PRUNE2: variants seen among roughly 807,000 people sequenced by gnomAD.
PRUNE2 encodes the protein prune homolog 2 with BCH domain, also known as protein prune homolog 2.
In PRUNE2, 164 loss-of-function variants were observed where a neutral mutation model predicts 252.0. The observed-to-expected ratio is 0.65, with a 90% CI of 0.57 to 0.74. PRUNE2 has a LOEUF of 0.74. Among genes scored for constraint, PRUNE2 ranks in the 30% least tolerant of loss-of-function variants. The pLI, the probability that PRUNE2 is intolerant of heterozygous loss-of-function variation, is 0.00. For synonymous variants in PRUNE2, 1,292 were observed against 1,350.2 expected (o/e 0.96, Z 0.94); for missense variants, 3,495 against 3,711.0 (o/e 0.94, Z 1.51).
At chr9:76,819,057 C>T (rs1297332040) in intron 6 of PRUNE2, among the ~76,000 whole-genome samples, 3 of 152,028 alleles carry the variant, frequency 2.0e-5, no homozygotes, top group South Asian at 2.1e-4. Flanking sequence ...TTGAGACCAG[C>T]CTTGGGCAAC....
intron 18 of PRUNE2, among the ~76,000 whole-genome samples, chr9:76,618,893 A>T (rs1019226227): frequency 5.3e-5 from 8 of 152,238 alleles, no homozygotes; most frequent in African/African-American, 1.9e-4. Flanking sequence ...TCCTCTAAAT[A>T]GATCATTCCT....
chr9:76,865,203 T>C (rs1049806734), intron 1 of PRUNE2, among the ~76,000 whole-genome samples: 4 of 152,202 alleles, frequency 2.6e-5, no homozygotes, highest in African/African-American at 9.7e-5. Flanking sequence ...TTTTAAAATA[T>C]GTTTTACAGC....
chr9:76,836,736 G>T (rs2059001530), intron 4 of PRUNE2, among the ~76,000 whole-genome samples: 1 of 152,118 alleles, frequency 6.6e-6, no homozygotes, highest in African/African-American at 2.4e-5. Flanking sequence ...TTTCTATTTT[G>T]TTAAATCCCC....
At chr9:76,640,239 A>G (rs1730984634) in intron 12 of PRUNE2, among the ~76,000 whole-genome samples, 1 of 152,194 alleles carries the variant, frequency 6.6e-6, no homozygotes, top group African/African-American at 2.4e-5. Context: ...ATTTCATGGC[A>G]GTAAAGTAAT....
In PRUNE2 at chr9:76,679,129, G is replaced by A. The variant is rs911072935; in HGVS notation, c.8277-23627C>T. On this transcript the variant is annotated intron_variant, in intron 9 of 18. Transcript: ENST00000376718. ...CTCAGTTTCCTTATCTGTAAAATGC[G>A]AAAAGTAACACTACTTACTTAGAAA... 5.9e-5 allele frequency among the ~76,000 whole-genome samples: 9 copies of A among 152,118 alleles called. No individual in the cohort carries two copies. In the South Asian group the frequency reaches 6.2e-4, roughly 11 times the overall value.
intron 12 of PRUNE2, among the ~76,000 whole-genome samples, chr9:76,642,183 T>C (rs921387808): frequency 1.4e-4 from 22 of 152,166 alleles, no homozygotes; most frequent in African/African-American, 4.8e-4. Flanking sequence ...TCTTTGCTTT[T>C]ATTTATGCAG....
chr9:76,890,619 G>A (rs1426030665), intron 1 of PRUNE2, among the ~76,000 whole-genome samples: 3 of 152,180 alleles, frequency 2.0e-5, no homozygotes, highest in Non-Finnish European at 2.9e-5. Flanking sequence ...CTCAGAGTCA[G>A]TGATTCCACT....
rs1042175317 is a variant in PRUNE2, at chr9:76,853,733, G to A, written c.141+371C>T. Among the ~76,000 whole-genome samples, 9 of 152,184 alleles carry A rather than the reference G, an allele frequency of 5.9e-5. No individual in the cohort carries two copies. The East Asian group carries it at 7.7e-4, about 13-fold the overall frequency. Reference sequence around the variant, plus strand: ...TCTGCACGTATTTTTCTGCTCCCAAGGGCAGGACTATCAGCAAGGATGACA... The same window carrying A: ...TCTGCACGTATTTTTCTGCTCCCAAAGGCAGGACTATCAGCAAGGATGACA... On this transcript the variant is annotated intron_variant, in intron 2 of 18. Transcript: ENST00000376718.
chr9:76,827,716 T>C (rs1239660957), intron 4 of PRUNE2, among the ~76,000 whole-genome samples: 1 of 152,150 alleles, frequency 6.6e-6, no homozygotes, highest in Non-Finnish European at 1.5e-5. Context: ...TCCAAACACA[T>C]GGCCTGAGAC....
intron 16 of PRUNE2, chr9:76,625,097 C>T: frequency 7.9e-7 from 1 of 1,259,612 alleles, no homozygotes; most frequent in Non-Finnish European, 1.1e-6. Flanking sequence ...GGAAAATGAG[C>T]AAACAGATGG....
chr9:76,655,364 T>A, intron 10 of PRUNE2, 59 bp downstream of exon 10: 1 of 1,182,748 alleles, frequency 8.5e-7, no homozygotes, highest in Non-Finnish European at 1.2e-6. Flanking sequence ...TTTCACTGAA[T>A]AATGAAAACG....
chr9:76,784,832 T>G (rs1172515920), intron 6 of PRUNE2: 1 of 152,472 alleles, frequency 6.6e-6, no homozygotes, highest in Non-Finnish European at 1.5e-5. Flanking sequence ...CTCAGTGTCT[T>G]TGCCCATACT....
Position 76,846,606 on chromosome 9 carries a change from C to T in PRUNE2, c.417G>A (p.Glu139=), listed in dbSNP as rs755959131. 2.5e-5 allele frequency: 41 copies of T among 1,613,956 alleles called. No homozygotes were observed. The East Asian group carries it at 7.8e-4, about 31-fold the overall frequency. The stretch of plus-strand genomic sequence containing the variant: ...CGAGAGAAGAGGAAGACTCTCGGAA[C>T]TCAACGTTGGCATCGCTCTGCTCAA... ...NPVEQSDANV[E]FRESSSSLVL... is the part of the protein sequence containing the mutation. Residue 139 remains glutamate (E), a synonymous_variant, in exon 4 of 19, where the codon GAG becomes GAA. Coordinates refer to ENST00000376718, the MANE Select transcript of PRUNE2 (RefSeq NM_015225.3).
chr9:76,628,227 C>T (rs1188853984), intron 16 of PRUNE2, among the ~76,000 whole-genome samples: 1 of 152,136 alleles, frequency 6.6e-6, no homozygotes, highest in Non-Finnish European at 1.5e-5. Context: ...TCCGATATCC[C>T]TGTTTTAAAA....
intron 15 of PRUNE2, among the ~76,000 whole-genome samples, chr9:76,630,547 C>T (rs1277613067): frequency 2.0e-5 from 3 of 152,152 alleles, no homozygotes; most frequent in Admixed American, 6.5e-5. Context: ...CTTTTTGAGA[C>T]AGAGTCTCGC....
intron 6 of PRUNE2, among the ~76,000 whole-genome samples, chr9:76,790,822 T>G (rs1183622717): frequency 6.6e-6 from 1 of 152,216 alleles, no homozygotes; most frequent in Admixed American, 6.5e-5. Flanking sequence ...TCAGTTTATT[T>G]GGAGTGTCAT....
At chr9:76,836,978 A>G (rs2132232655) in intron 4 of PRUNE2, among the ~76,000 whole-genome samples, 1 of 152,380 alleles carries the variant, frequency 6.6e-6, no homozygotes, top group East Asian at 1.9e-4. Flanking sequence ...ATAATATACC[A>G]TAATGCAAAC....
At chr9:76,805,712 G>A (rs2056888729) in intron 6 of PRUNE2, among the ~76,000 whole-genome samples, 2 of 152,220 alleles carry the variant, frequency 1.3e-5, no homozygotes, top group African/African-American at 4.8e-5. Flanking sequence ...TCCACAGCTG[G>A]CTAATTTGTC....
chr9:76,820,729 A>G (rs911518168), intron 6 of PRUNE2, among the ~76,000 whole-genome samples: 2 of 152,108 alleles, frequency 1.3e-5, no homozygotes, highest in African/African-American at 4.8e-5. Flanking sequence ...CTTTCTATAA[A>G]TATGTGGGCC....
Sources: allele counts gnomAD v4.1 joint callset (sites outside exome capture counted in the v4.1 genomes callset), GRCh38; gene constraint gnomAD v4.1.1; transcripts MANE v1.5; gene names NCBI Gene and HGNC (gene_info 2026-07-23, HGNC 2026-07-21).